Variants in NRG3 observed in about 807,000 individuals in gnomAD.
The protein encoded by NRG3 is pro-neuregulin-3, membrane-bound isoform.
NRG3 carries 31 observed loss-of-function variants against 66.9 expected under a neutral mutation model. The ratio of observed to expected loss-of-function variants is 0.46; its 90% CI spans 0.35 to 0.63. The LOEUF (loss-of-function observed/expected upper bound fraction) is 0.63. NRG3 is among the 20% of genes least tolerant of loss of function. The pLI is 0.00. For missense variants in NRG3, 910 were observed against 878.9 expected (o/e 1.04, Z -0.45); for synonymous variants, 393 against 359.4 (o/e 1.09, Z -1.06).
intron 1 of NRG3, among the ~76,000 whole-genome samples, chr10:82,241,866 C>CT (rs1327510672): frequency 3.9e-5 from 6 of 152,138 alleles, no homozygotes; most frequent in Non-Finnish European, 1.5e-5. Flanking sequence ...CAACAGACAG[C>CT]TGCTCAGTAG....
rs530184175 is a variant in NRG3, at chr10:82,350,157, G to T, written c.824-8582G>T. Reference sequence around the variant, plus strand: ...AAAAAACCTTGATTATTAGCCTCAGGTATGTTCACAAAAGTATAGATATGT... The same window carrying T: ...AAAAAACCTTGATTATTAGCCTCAGTTATGTTCACAAAAGTATAGATATGT... On this transcript the variant is annotated intron_variant, in intron 1 of 8. Transcript: ENST00000372141. 5.3e-5 allele frequency among the ~76,000 whole-genome samples: 8 copies of T among 152,272 alleles called. No individual in the cohort carries two copies. In the South Asian group the frequency reaches 1.5e-3, roughly 28 times the overall value.
intron 1 of NRG3, among the ~76,000 whole-genome samples, chr10:82,060,278 A>G (rs914390842): frequency 2.0e-5 from 3 of 152,204 alleles, no homozygotes; most frequent in Admixed American, 6.5e-5. Context: ...TAGGTACACA[A>G]TATATGGCAT....
intron 1 of NRG3, among the ~76,000 whole-genome samples, chr10:81,899,479 C>A (rs192123231): frequency 1.1e-3 from 170 of 152,324 alleles, no homozygotes; most frequent in African/African-American, 3.9e-3. Context: ...GATTCCATTT[C>A]TCTTTGCCAG....
intron 1 of NRG3, among the ~76,000 whole-genome samples, chr10:82,128,761 G>A (rs200115504): frequency 1.4e-5 from 2 of 141,606 alleles, no homozygotes; most frequent in African/African-American, 5.1e-5. Context: ...GGTTTTTTTT[G>A]TTCACTTCAA....
intron 2 of NRG3, among the ~76,000 whole-genome samples, chr10:82,456,445 G>T (rs2091271071): frequency 6.6e-6 from 1 of 152,014 alleles, no homozygotes; most frequent in African/African-American, 2.4e-5. Context: ...GGGATTACAG[G>T]TGTCTTTTAC....
intron 1 of NRG3, among the ~76,000 whole-genome samples, chr10:82,183,575 C>T (rs1012864140): frequency 6.6e-6 from 1 of 151,964 alleles, no homozygotes; most frequent in African/African-American, 2.4e-5. Flanking sequence ...CAAATATACC[C>T]AAGAATACAG....
intron 3 of NRG3, among the ~76,000 whole-genome samples, chr10:82,811,016 A>G (rs1016479640): frequency 6.6e-6 from 1 of 151,226 alleles, no homozygotes; most frequent in South Asian, 2.1e-4. Flanking sequence ...TCCTTTAGTC[A>G]TTTGCAGGGC....
chr10:82,656,937 G>A (rs79048367), intron 2 of NRG3, among the ~76,000 whole-genome samples: 41 of 152,052 alleles, frequency 2.7e-4, no homozygotes, highest in South Asian at 4.2e-4. Flanking sequence ...CTTCTCTCTC[G>A]TCTCTGGCTC....
At chr10:82,656,413 T>A (rs2051868544) in intron 2 of NRG3, among the ~76,000 whole-genome samples, 1 of 151,530 alleles carries the variant, frequency 6.6e-6, no homozygotes, top group South Asian at 2.1e-4. Context: ...TAGAAAAGCA[T>A]TAAACCAATT....
At chr10:81,993,301 A>G (rs1283315675) in intron 1 of NRG3, among the ~76,000 whole-genome samples, 1 of 152,172 alleles carries the variant, frequency 6.6e-6, no homozygotes, top group African/African-American at 2.4e-5. Flanking sequence ...TTAGTTGACC[A>G]TGAGCACACA....
At chr10:82,621,219 C>T (rs1419329028) in intron 2 of NRG3, among the ~76,000 whole-genome samples, 1 of 152,164 alleles carries the variant, frequency 6.6e-6, no homozygotes, top group Non-Finnish European at 1.5e-5. Flanking sequence ...AGTTAAAATA[C>T]TTATTGACCA....
At chr10:81,948,402 T>C (rs1023761856) in intron 1 of NRG3, among the ~76,000 whole-genome samples, 1 of 152,164 alleles carries the variant, frequency 6.6e-6, no homozygotes, top group Non-Finnish European at 1.5e-5. Flanking sequence ...GGTCATAGTT[T>C]ATATTTCTTG....
At chr10:82,580,693 T>C (rs143127464) in intron 2 of NRG3, among the ~76,000 whole-genome samples, 1 of 152,162 alleles carries the variant, frequency 6.6e-6, no homozygotes, top group East Asian at 1.9e-4. Flanking sequence ...ATGATATGCA[T>C]TTAGGATTCT....
At chr10:82,492,897 T>A (rs1272695199) in intron 2 of NRG3, among the ~76,000 whole-genome samples, 2 of 152,176 alleles carry the variant, frequency 1.3e-5, no homozygotes, top group African/African-American at 2.4e-5. Flanking sequence ...CCAGGGTCCA[T>A]GTAAAGTTAA....
intron 1 of NRG3, among the ~76,000 whole-genome samples, chr10:82,349,650 G>A (rs951489139): frequency 1.2e-4 from 18 of 151,732 alleles, no homozygotes; most frequent in African/African-American, 2.9e-4. Context: ...AATGGCGGGC[G>A]CCCCTCCCCC....
intron 2 of NRG3, among the ~76,000 whole-genome samples, chr10:82,364,482 A>G (rs1033284427): frequency 2.0e-5 from 3 of 152,176 alleles, no homozygotes; most frequent in Non-Finnish European, 4.4e-5. Context: ...TGATCTTTTC[A>G]TTTTTATGCC....
At chr10:82,051,141 C>T (rs1256942672) in intron 1 of NRG3, among the ~76,000 whole-genome samples, 1 of 151,980 alleles carries the variant, frequency 6.6e-6, no homozygotes, top group African/African-American at 2.4e-5. Context: ...CTTTTACTAC[C>T]AGCAAACTAT....
At chr10:82,379,599 TAATAAA>T (rs2085477800) in intron 2 of NRG3, among the ~76,000 whole-genome samples, 1 of 152,198 alleles carries the variant, frequency 6.6e-6, no homozygotes. Flanking sequence ...ACATGGAGTA[TAATAAA>T]TATTCACTCT....
chr10:82,082,313 C>A (rs984265775), intron 1 of NRG3, among the ~76,000 whole-genome samples: 1 of 152,166 alleles, frequency 6.6e-6, no homozygotes, highest in Non-Finnish European at 1.5e-5. Flanking sequence ...CCCTGTGTAT[C>A]TATTGCACCG....
Sources: gnomAD v4.1 joint callset for allele counts (sites outside exome capture counted in the v4.1 genomes callset) on GRCh38, gnomAD v4.1.1 for gene constraint, MANE v1.5 for transcripts, NCBI Gene and HGNC (gene_info 2026-07-23, HGNC 2026-07-21) for gene names.